Variants in PTPRD observed in about 807,000 individuals in gnomAD.
PTPRD encodes receptor-type tyrosine-protein phosphatase delta.
A neutral mutation model predicts 214.5 loss-of-function variants in PTPRD; 34 were observed. The observed-to-expected ratio is 0.16, with a 90% CI of 0.12 to 0.21. The LOEUF is 0.21. Ranked by LOEUF, PTPRD falls within the 10% of genes least tolerant of loss-of-function variation. PTPRD has a pLI of 1.00. For missense variants in PTPRD, 2,545 were observed against 2,398.7 expected, an observed-to-expected ratio of 1.06 and a Z score of -1.27; for synonymous variants, 1,128 against 845.7, an observed-to-expected ratio of 1.33 and a Z score of -5.79.
intron 2 of PTPRD, among the ~76,000 whole-genome samples, chr9:10,483,243 G>A (rs2099111939): frequency 6.6e-6 from 1 of 152,042 alleles, no homozygotes; most frequent in South Asian, 2.1e-4. Context: ...GTAGAAAAAT[G>A]AAACTGGATC....
intron 5 of PTPRD, among the ~76,000 whole-genome samples, chr9:9,896,073 T>G (rs1163600898): frequency 6.6e-6 from 1 of 152,026 alleles, no homozygotes; most frequent in South Asian, 2.1e-4. Context: ...CAGAGACAGA[T>G]TAATTTTTTT....
intron 4 of PTPRD, among the ~76,000 whole-genome samples, chr9:9,993,541 A>G (rs2096021064): frequency 6.6e-6 from 1 of 152,202 alleles, no homozygotes; most frequent in South Asian, 2.1e-4. Context: ...TGAGGATGCC[A>G]AAGTAGGAAA....
At position 10,548,439 on chromosome 9, in the gene PTPRD, C is replaced by T. The variant is rs967560286; in HGVS notation, c.-600+63959G>A. Among the ~76,000 whole-genome samples, 5 of 152,060 alleles carry T rather than the reference C, an allele frequency of 3.3e-5. No homozygotes were observed. In the East Asian group the frequency reaches 9.6e-4, roughly 29 times the overall value. On this transcript the variant is annotated intron_variant, in intron 2 of 45. Coordinates refer to ENST00000381196, the MANE Select transcript of PTPRD (RefSeq NM_002839.4). Reference sequence around the variant, plus strand: ...ATATTTTCATCTATGGCATCAATCACTATAGGAGCTTAAGTACTTGAAAAT... The same window carrying T: ...ATATTTTCATCTATGGCATCAATCATTATAGGAGCTTAAGTACTTGAAAAT...
intron 2 of PTPRD, among the ~76,000 whole-genome samples, chr9:10,455,225 T>C (rs764894923): frequency 6.6e-6 from 1 of 151,734 alleles, no homozygotes; most frequent in African/African-American, 2.4e-5. Flanking sequence ...AGCTTTCCAA[T>C]TGTTTTTTTC....
In PTPRD at chr9:10,520,825, G is replaced by C. The variant is rs7038432; in HGVS notation, c.-600+91573C>G. ...ACAAAGCCTAGATGACAGCACATCT[G>C]TTTACAGCACAGTAAATAGAATATT... On this transcript the variant is annotated intron_variant, in intron 2 of 45. Transcript: ENST00000381196. Among the ~76,000 whole-genome samples the C allele has an allele frequency of 9.3e-3, 1,410 of 151,984 alleles. 35 individuals carry two copies. The highest frequency in any genetic ancestry group is 0.032 in the African/African-American group (1,333 of 41,446).
intron 5 of PTPRD, among the ~76,000 whole-genome samples, chr9:9,769,568 C>G (rs367648854): frequency 6.6e-6 from 1 of 151,670 alleles, no homozygotes; most frequent in African/African-American, 2.4e-5. Context: ...CCTCGTGATC[C>G]GCTTGCCTTG....
In PTPRD at chr9:9,218,010, G is replaced by C. The variant is rs141950576; in HGVS notation, c.-202-34647C>G. Among the ~76,000 whole-genome samples the C allele has an allele frequency of 7.3e-3, 1,106 of 152,202 alleles. 10 individuals carry two copies. The highest frequency in any genetic ancestry group is 0.026 in the African/African-American group (1,077 of 41,534). On this transcript the variant is annotated intron_variant, in intron 9 of 45. Transcript: ENST00000381196. ...CAGTTATGCCGTTCATGTTCACTCT[G>C]TTTGTTTCTGAGCCCTCTGGGGTCC...
intron 2 of PTPRD, among the ~76,000 whole-genome samples, chr9:10,561,874 A>G (rs180801518): frequency 4.1e-4 from 62 of 152,270 alleles, no homozygotes; most frequent in Admixed American, 1.6e-3. Flanking sequence ...CACAGGATAT[A>G]GGATAATAAA....
chr9:10,276,587 T>C (rs2094704662), intron 3 of PTPRD, among the ~76,000 whole-genome samples: 1 of 152,216 alleles, frequency 6.6e-6, no homozygotes, highest in African/African-American at 2.4e-5. Context: ...AAAGTCATAG[T>C]AGATAAAGAT....
chr9:10,579,259 G>C (rs2070782582), intron 2 of PTPRD, among the ~76,000 whole-genome samples: 1 of 152,078 alleles, frequency 6.6e-6, no homozygotes, highest in African/African-American at 2.4e-5. Flanking sequence ...TCCAATAGTA[G>C]CTTTTTTGCC....
intron 2 of PTPRD, among the ~76,000 whole-genome samples, chr9:10,540,706 G>C (rs1035071351): frequency 2.0e-5 from 3 of 152,160 alleles, no homozygotes; most frequent in Non-Finnish European, 4.4e-5. Flanking sequence ...AAAGAATGTG[G>C]TAATTTTTGT....
At chr9:8,890,319 A>AT (rs1301110751) in intron 11 of PTPRD, among the ~76,000 whole-genome samples, 2 of 152,210 alleles carry the variant, frequency 1.3e-5, no homozygotes, top group African/African-American at 4.8e-5. Flanking sequence ...TTCCAGGCTT[A>AT]ATGTGCTAGG....
chr9:8,438,101 T>C (rs963229369), intron 34 of PTPRD, among the ~76,000 whole-genome samples: 25 of 152,320 alleles, frequency 1.6e-4, no homozygotes, highest in African/African-American at 6.0e-4. Flanking sequence ...CATTCTGCTG[T>C]CACTGTGGCT....
chr9:9,443,676 G>T (rs140840868), intron 8 of PTPRD, among the ~76,000 whole-genome samples: 8 of 152,172 alleles, frequency 5.3e-5, no homozygotes, highest in Non-Finnish European at 1.0e-4. Flanking sequence ...CCCTCTAGCT[G>T]TTCTCACCAA....
At chr9:9,437,438 G>A (rs1025783468) in intron 8 of PTPRD, among the ~76,000 whole-genome samples, 2 of 43,452 alleles carry the variant, frequency 4.6e-5, no homozygotes, top group Admixed American at 2.1e-4. Context: ...GTAATGAGGT[G>A]TATCAGGTTT....
intron 5 of PTPRD, among the ~76,000 whole-genome samples, chr9:9,886,453 G>T (rs1187634764): frequency 6.6e-6 from 1 of 152,106 alleles, no homozygotes; most frequent in Non-Finnish European, 1.5e-5. Flanking sequence ...GGTTTAAAAG[G>T]AGAGTCCTGA....
intron 5 of PTPRD, among the ~76,000 whole-genome samples, chr9:9,888,100 T>A (rs1256450667): frequency 6.6e-6 from 1 of 152,162 alleles, no homozygotes; most frequent in East Asian, 1.9e-4. Context: ...CAGCCATTCC[T>A]CTCCCTTCAG....
At chr9:8,545,350 C>T (rs980621425) in intron 14 of PTPRD, among the ~76,000 whole-genome samples, 1 of 152,098 alleles carries the variant, frequency 6.6e-6, no homozygotes, top group African/African-American at 2.4e-5. Flanking sequence ...CAGAGTTAAT[C>T]GGGGGTACCT....
At chr9:8,428,026 T>C (rs1158218202) in intron 35 of PTPRD, among the ~76,000 whole-genome samples, 1 of 152,214 alleles carries the variant, frequency 6.6e-6, no homozygotes, top group African/African-American at 2.4e-5. Context: ...GTACTATGAC[T>C]GCTTCTTTAT....
Sources: allele counts gnomAD v4.1 joint callset (sites outside exome capture counted in the v4.1 genomes callset), GRCh38; gene constraint gnomAD v4.1.1; transcripts MANE v1.5; gene names NCBI Gene and HGNC (gene_info 2026-07-23, HGNC 2026-07-21).